Variants in CAMK4 observed in about 807,000 individuals in gnomAD.
The protein encoded by CAMK4 is calcium/calmodulin-dependent protein kinase type IV.
In CAMK4, 22 loss-of-function variants were observed where a neutral mutation model predicts 44.9. The ratio of observed to expected loss-of-function variants is 0.49; its 90% CI spans 0.35 to 0.70. CAMK4 has a LOEUF of 0.70. CAMK4 is among the 30% of genes least tolerant of loss of function. CAMK4 has a pLI of 0.01. For synonymous variants in CAMK4, 218 were observed against 215.4 expected, an observed-to-expected ratio of 1.01 and a Z score of -0.11; for missense variants, 498 against 586.8, an observed-to-expected ratio of 0.85 and a Z score of 1.56.
At chr5:111,465,031 G>A (rs765187821) in intron 7 of CAMK4, among the ~76,000 whole-genome samples, 3 of 152,062 alleles carry the variant, frequency 2.0e-5, no homozygotes, top group Non-Finnish European at 4.4e-5. Flanking sequence ...ATATTGTCCC[G>A]TATATTGAGC....
At chr5:111,413,562 G>A (rs1752704894) in intron 5 of CAMK4, among the ~76,000 whole-genome samples, 1 of 142,634 alleles carries the variant, frequency 7.0e-6, no homozygotes. Flanking sequence ...GGGTGACAGA[G>A]CAACACTCCA....
chr5:111,234,398 A>G (rs947050628), intron 1 of CAMK4, among the ~76,000 whole-genome samples: 1 of 152,194 alleles, frequency 6.6e-6, no homozygotes, highest in African/African-American at 2.4e-5. Flanking sequence ...ATGAGAGTAA[A>G]GGAATACAGA....
intron 5 of CAMK4, among the ~76,000 whole-genome samples, chr5:111,405,404 G>C (rs1178964622): frequency 1.3e-5 from 2 of 152,118 alleles, no homozygotes; most frequent in African/African-American, 4.8e-5. Context: ...GTAGGCAGAG[G>C]TTGCAGTGAG....
At chr5:111,432,797 C>A (rs189905557) in intron 5 of CAMK4, among the ~76,000 whole-genome samples, 3 of 151,980 alleles carry the variant, frequency 2.0e-5, no homozygotes, top group East Asian at 3.9e-4. Flanking sequence ...CAGAGATACT[C>A]ATTTAGCTCA....
intron 1 of CAMK4, among the ~76,000 whole-genome samples, chr5:111,256,739 T>TTTA (rs1357377825): frequency 2.0e-5 from 3 of 152,180 alleles, no homozygotes; most frequent in African/African-American, 7.2e-5. Flanking sequence ...TTTAAAGCTG[T>TTTA]TTATAGCTTC....
intron 1 of CAMK4, among the ~76,000 whole-genome samples, chr5:111,300,042 C>G (rs1370595862): frequency 6.6e-6 from 1 of 152,180 alleles, no homozygotes; most frequent in Non-Finnish European, 1.5e-5. Flanking sequence ...CTCTTTTTCT[C>G]TTTGCACCTC....
At chr5:111,478,593 A>G (rs1755325519) in intron 9 of CAMK4, 86 bp downstream of exon 9, 1 of 586,166 alleles carries the variant, frequency 1.7e-6, no homozygotes, top group African/African-American at 1.9e-5. Flanking sequence ...TTAAAATTTT[A>G]CCCATATTAA....
chr5:111,476,403 G>A (rs1014550386), intron 8 of CAMK4, among the ~76,000 whole-genome samples: 25 of 151,838 alleles, frequency 1.6e-4, no homozygotes, highest in African/African-American at 3.9e-4. Context: ...CCAGCCCCCC[G>A]AGTACCTGGG....
In CAMK4 at chr5:111,488,098, A is replaced by C. The variant is rs1197661236; in HGVS notation, c.*3632A>C. Reference sequence around the variant, plus strand: ...TGCTTACCAAAATCTACTCTCAGCCAACTATGTGTCTTCATTCAGGAAGAA... The same window carrying C: ...TGCTTACCAAAATCTACTCTCAGCCCACTATGTGTCTTCATTCAGGAAGAA... On this transcript the variant is annotated 3_prime_UTR_variant, in exon 11 of 11. Coordinates refer to ENST00000282356, the MANE Select transcript of CAMK4 (RefSeq NM_001744.6). The C allele has an allele frequency of 2.0e-5, 3 of 152,210 alleles. No homozygotes were observed. Among genetic ancestry groups the C allele is most frequent in the Non-Finnish European group, 4.4e-5 (3 of 68,036 alleles). 9.4% of individuals were successfully genotyped at this position (152,210 alleles called of 1,614,324 possible). A position where few individuals can be genotyped will look rare whatever the true frequency, so the allele number is the denominator to read the frequency against.
intron 1 of CAMK4, among the ~76,000 whole-genome samples, chr5:111,265,204 C>T (rs1294637413): frequency 1.3e-5 from 2 of 152,128 alleles, no homozygotes; most frequent in African/African-American, 4.8e-5. Context: ...CACTGATATG[C>T]TTCATAAGTA....
chr5:111,286,015 G>C (rs1561386349), intron 1 of CAMK4, among the ~76,000 whole-genome samples: 1 of 152,196 alleles, frequency 6.6e-6, no homozygotes, highest in Non-Finnish European at 1.5e-5. Flanking sequence ...ACATTAGCCA[G>C]AGTCGATCAG....
At chr5:111,411,967 A>G (rs1752647733) in intron 5 of CAMK4, among the ~76,000 whole-genome samples, 1 of 152,228 alleles carries the variant, frequency 6.6e-6, no homozygotes, top group South Asian at 2.1e-4. Context: ...ACATTGAAAC[A>G]AGCTTGATGT....
At chr5:111,280,952 A>C (rs2112603556) in intron 1 of CAMK4, among the ~76,000 whole-genome samples, 1 of 152,306 alleles carries the variant, frequency 6.6e-6, no homozygotes, top group Admixed American at 6.5e-5. Context: ...AATCTTCTTT[A>C]GATTTTGCTG....
chr5:111,397,788 G>C (rs1752076684), intron 5 of CAMK4, among the ~76,000 whole-genome samples: 1 of 151,816 alleles, frequency 6.6e-6, no homozygotes, highest in Admixed American at 6.6e-5. Context: ...TTCTGGGACA[G>C]TAGCACATTA....
At chr5:111,447,607 CA>C (rs1331412387) in intron 6 of CAMK4, among the ~76,000 whole-genome samples, 1 of 152,136 alleles carries the variant, frequency 6.6e-6, no homozygotes, top group African/African-American at 2.4e-5. Flanking sequence ...ATCTTCATTT[CA>C]AAAAATATTG....
rs574828264 is a variant in CAMK4, at chr5:111,332,768, C to A, written c.162-11256C>A. Among the ~76,000 whole-genome samples the A allele has an allele frequency of 3.3e-5, 5 of 151,592 alleles. No homozygotes were observed. In the South Asian group the frequency reaches 8.3e-4, roughly 25 times the overall value. ...GATTACAACATTGGTGCTTTTACTT[C>A]TCAATTAAAAAGATTTCCCATAGAC... On this transcript the variant is annotated intron_variant, in intron 1 of 10. Transcript: ENST00000282356.
At chr5:111,433,725 G>A (rs2112945123) in intron 5 of CAMK4, among the ~76,000 whole-genome samples, 1 of 152,182 alleles carries the variant, frequency 6.6e-6, no homozygotes, top group South Asian at 2.1e-4. Context: ...TTACCCTCTG[G>A]AAACCAAGTA....
chr5:111,263,078 G>C (rs903744108), intron 1 of CAMK4, among the ~76,000 whole-genome samples: 1 of 152,218 alleles, frequency 6.6e-6, no homozygotes, highest in African/African-American at 2.4e-5. Context: ...GAGAAAGGAA[G>C]TAGTAAGACA....
chr5:111,281,143 G>T (rs570200324), intron 1 of CAMK4, among the ~76,000 whole-genome samples: 1 of 152,262 alleles, frequency 6.6e-6, no homozygotes, highest in Non-Finnish European at 1.5e-5. Flanking sequence ...TTTGCTAGGT[G>T]TCAAGAGACT....
Sources: allele counts gnomAD v4.1 joint callset (sites outside exome capture counted in the v4.1 genomes callset), GRCh38; gene constraint gnomAD v4.1.1; transcripts MANE v1.5; gene names NCBI Gene and HGNC (gene_info 2026-07-23, HGNC 2026-07-21).